ACOXL: variants seen among roughly 807,000 people sequenced by gnomAD.
ACOXL encodes acyl-coenzyme A oxidase-like protein.
Under a neutral mutation model 71.9 loss-of-function variants are expected in ACOXL, and 70 were observed. The ratio of observed to expected loss-of-function variants is 0.97; its 90% CI spans 0.80 to 1.19. The LOEUF is 1.19. Ranked by LOEUF, ACOXL falls within the 50% of genes most tolerant of loss-of-function variation. The probability of loss-of-function intolerance (pLI) is 0.00; values close to 1 mark genes in which losing one functional copy is unlikely to be tolerated. For synonymous variants in ACOXL, 253 were observed against 281.6 expected, an observed-to-expected ratio of 0.90 and a Z score of 1.02; for missense variants, 703 against 736.3, an observed-to-expected ratio of 0.95 and a Z score of 0.52.
At position 111,118,030 on chromosome 2, in the gene ACOXL, C is replaced by G. The variant is rs1251612804; in HGVS notation, c.*214C>G. On this transcript the variant is annotated 3_prime_UTR_variant, in exon 18 of 18. Transcript: ENST00000439055. ...GACGGTCGCCTGGTGCGCTGGATCC[C>G]TGTGCCCTTTCCCTGAAACCCAGCC... 3 of 619,924 alleles carry G rather than the reference C, an allele frequency of 4.8e-6. No individual in the cohort carries two copies. Among genetic ancestry groups the G allele is most frequent in the Non-Finnish European group, 8.4e-6 (3 of 357,878 alleles). The allele number at this position is 619,924 out of a possible 1,614,324, so 38.4% of individuals were successfully genotyped here. A position where few individuals can be genotyped will look rare whatever the true frequency, so the allele number is the denominator to read the frequency against.
intron 1 of ACOXL, among the ~76,000 whole-genome samples, chr2:110,750,829 T>G (rs1484037533): frequency 6.6e-6 from 1 of 151,742 alleles, no homozygotes; most frequent in East Asian, 1.9e-4. Flanking sequence ...CCTGAGTAGC[T>G]GAGACTACAG....
At chr2:111,046,320 T>G (rs552676963) in intron 15 of ACOXL, among the ~76,000 whole-genome samples, 1 of 152,240 alleles carries the variant, frequency 6.6e-6, no homozygotes, top group Admixed American at 6.5e-5. Flanking sequence ...GAGGGAAGAT[T>G]TAAAGTCAGG....
At chr2:110,745,111 G>A (rs1432919369) in intron 1 of ACOXL, among the ~76,000 whole-genome samples, 2 of 152,210 alleles carry the variant, frequency 1.3e-5, no homozygotes, top group African/African-American at 4.8e-5. Context: ...AGTTGCTCCT[G>A]TTTCAGTTGC....
chr2:110,736,619 C>CTTT (rs57507260), intron 1 of ACOXL, among the ~76,000 whole-genome samples: 4 of 113,264 alleles, frequency 3.5e-5, no homozygotes, highest in African/African-American at 7.2e-5. Flanking sequence ...TTTGATTACT[C>CTTT]TTTTTTTTTT....
chr2:110,739,697 A>G (rs1258717782), intron 1 of ACOXL, among the ~76,000 whole-genome samples: 1 of 152,154 alleles, frequency 6.6e-6, no homozygotes, highest in Non-Finnish European at 1.5e-5. Context: ...GGACTTGAGG[A>G]TGCAGCTGCT....
At chr2:110,936,329 A>G (rs954101994) in intron 12 of ACOXL, among the ~76,000 whole-genome samples, 1 of 152,112 alleles carries the variant, frequency 6.6e-6, no homozygotes, top group African/African-American at 2.4e-5. Flanking sequence ...GTAGTGGCAC[A>G]ATCACAGCTC....
chr2:110,919,631 C>T (rs1349578405), intron 11 of ACOXL, among the ~76,000 whole-genome samples: 1 of 152,068 alleles, frequency 6.6e-6, no homozygotes, highest in Non-Finnish European at 1.5e-5. Flanking sequence ...TTGTTCCATT[C>T]AGTATCAGAC....
intron 3 of ACOXL, among the ~76,000 whole-genome samples, chr2:110,790,092 G>A (rs1427673684): frequency 6.6e-6 from 1 of 152,234 alleles, no homozygotes; most frequent in Non-Finnish European, 1.5e-5. Context: ...CAGGCTGTGT[G>A]TAGATTTAAA....
chr2:111,102,228 C>G (rs2069214702), intron 17 of ACOXL, among the ~76,000 whole-genome samples: 1 of 152,156 alleles, frequency 6.6e-6, no homozygotes, highest in Non-Finnish European at 1.5e-5. Flanking sequence ...AAATGCAGAC[C>G]ATTCAAGTCA....
At chr2:110,997,479 C>T (rs62161541) in intron 14 of ACOXL, among the ~76,000 whole-genome samples, 1,921 of 152,194 alleles carry the variant, frequency 0.013, 24 homozygotes, top group South Asian at 0.056. Context: ...TTCACTAGCT[C>T]CAAATGGAGT....
intron 1 of ACOXL, among the ~76,000 whole-genome samples, chr2:110,749,588 C>T (rs1678663630): frequency 1.3e-5 from 2 of 152,138 alleles, no homozygotes; most frequent in South Asian, 4.1e-4. Flanking sequence ...ATTAGCTGGG[C>T]ACGGTGGCGG....
chr2:111,063,709 CTA>C (rs1558928740), intron 16 of ACOXL, among the ~76,000 whole-genome samples: 1 of 152,186 alleles, frequency 6.6e-6, no homozygotes, highest in Non-Finnish European at 1.5e-5. Flanking sequence ...CCCCCTAACA[CTA>C]AAAACAAGGC....
intron 10 of ACOXL, among the ~76,000 whole-genome samples, chr2:110,868,806 G>GGC: frequency 6.6e-6 from 1 of 152,296 alleles, no homozygotes; most frequent in South Asian, 2.1e-4. Context: ...GCCCAGGCTG[G>GGC]TCATGAATTC....
intron 10 of ACOXL, among the ~76,000 whole-genome samples, chr2:110,895,667 TAGAG>T (rs3058996): frequency 3.0e-4 from 45 of 148,482 alleles, no homozygotes; most frequent in Middle Eastern, 3.5e-3. Flanking sequence ...TTGAAAACAA[TAGAG>T]AGAGAGAGAG....
rs113481681 is a variant in ACOXL at position 110,824,031 on chromosome 2, A to G, written c.754-17340A>G. ...CTTTTGGTGCTATATCTAAAAATTC[A>G]TCACAAACCCAAGGCCATATAGATT... On this transcript the variant is annotated intron_variant, in intron 9 of 17. Coordinates refer to ENST00000439055, the MANE Select transcript of ACOXL (RefSeq NM_001142807.4). 2.0e-5 allele frequency among the ~76,000 whole-genome samples: 3 copies of G among 152,168 alleles called. No homozygotes were observed. The East Asian group carries it at 5.8e-4, about 29-fold the overall frequency.
At chr2:110,798,168 G>T (rs3761712) in intron 5 of ACOXL, among the ~76,000 whole-genome samples, 4 of 151,896 alleles carry the variant, frequency 2.6e-5, no homozygotes, top group East Asian at 1.9e-4. Context: ...GTGGAGCCAG[G>T]TGACCTTCCC....
At position 110,998,472 on chromosome 2, in the gene ACOXL, G is replaced by A. The variant is rs10197236; in HGVS notation, c.1281+2468G>A. On this transcript the variant is annotated intron_variant, in intron 14 of 17. Coordinates refer to ENST00000439055, the MANE Select transcript of ACOXL (RefSeq NM_001142807.4). ...GCTCCTTTAAGTGAACCCACAGCAAGGCCAGGAGAGCTGTTTAAAAAGTTC... is the reference window on the plus strand; with the variant it reads ...GCTCCTTTAAGTGAACCCACAGCAAAGCCAGGAGAGCTGTTTAAAAAGTTC... 7.0e-3 allele frequency among the ~76,000 whole-genome samples: 1,060 copies of A among 152,310 alleles called. 9 individuals carry two copies. The highest frequency in any genetic ancestry group is 0.024 in the African/African-American group (989 of 41,556).
intron 12 of ACOXL, among the ~76,000 whole-genome samples, chr2:110,968,879 A>G (rs150513107): frequency 1.2e-3 from 184 of 152,248 alleles, no homozygotes; most frequent in African/African-American, 4.2e-3. Flanking sequence ...ATGTTTTTCA[A>G]GCACTTGTGG....
At chr2:111,032,105 C>T (rs576354775) in intron 15 of ACOXL, among the ~76,000 whole-genome samples, 2 of 152,312 alleles carry the variant, frequency 1.3e-5, no homozygotes, top group African/African-American at 2.4e-5. Context: ...AGTGTTTTAA[C>T]AGGGGTCCTG....
Sources: allele counts gnomAD v4.1 joint callset (sites outside exome capture counted in the v4.1 genomes callset), GRCh38; gene constraint gnomAD v4.1.1; transcripts MANE v1.5; gene names NCBI Gene and HGNC (gene_info 2026-07-23, HGNC 2026-07-21).